The following NBAS variants were observed in gnomAD, a reference collection of about 807,000 sequenced individuals.
NBAS encodes NBAS subunit of NRZ tethering complex.
A neutral mutation model predicts 302.5 loss-of-function variants in NBAS; 219 were observed. The observed-to-expected ratio is 0.72, with a 90% CI of 0.65 to 0.81. The LOEUF (loss-of-function observed/expected upper bound fraction) is 0.81, where lower values mean the gene tolerates loss of function less well. Among genes scored for constraint, NBAS ranks in the 30% least tolerant of loss-of-function variants. The pLI is 0.00. For missense variants in NBAS, 2,932 were observed against 2,841.6 expected (o/e 1.03, Z -0.72); for synonymous variants, 1,118 against 1,021.6 (o/e 1.09, Z -1.80).
intron 9 of NBAS, among the ~76,000 whole-genome samples, chr2:15,533,673 G>GGTGTGTGTGTGTGTGT (rs1220581737): frequency 2.3e-5 from 3 of 130,676 alleles, no homozygotes; most frequent in Non-Finnish European, 3.2e-5. Context: ...GACTTCGGGG[G>GGTGTGTGTGTGTGTGT]GTGTGCGTGT....
chr2:14,938,833 T>C, the NBAS span, among the ~76,000 whole-genome samples: 1 of 152,250 alleles, frequency 6.6e-6, no homozygotes, highest in Admixed American at 6.5e-5. Flanking sequence ...CAACTATCTG[T>C]AGCCACTGAA....
At chr2:15,292,432 C>G in intron 41 of NBAS, 105 bp downstream of exon 41, 1 of 1,192,348 alleles carries the variant, frequency 8.4e-7, no homozygotes. Flanking sequence ...TCATAGCAAC[C>G]ATGAATGTAA....
At chr2:15,340,191 C>A (rs187302255) in intron 35 of NBAS, among the ~76,000 whole-genome samples, 1 of 152,078 alleles carries the variant, frequency 6.6e-6, no homozygotes, top group East Asian at 1.9e-4. Flanking sequence ...AGCAGAAGCA[C>A]GGAGACAAAC....
At chr2:15,342,111 T>C (rs1331003201) in intron 35 of NBAS, among the ~76,000 whole-genome samples, 3 of 151,768 alleles carry the variant, frequency 2.0e-5, no homozygotes, top group Admixed American at 2.0e-4. Context: ...CACAAGAAAA[T>C]AGGAAATTAC....
intron 25 of NBAS, among the ~76,000 whole-genome samples, chr2:15,408,221 A>G (rs1186876707): frequency 1.3e-5 from 2 of 152,208 alleles, no homozygotes; most frequent in African/African-American, 4.8e-5. Context: ...ATACTTCAGA[A>G]TAAAAATATA....
At chr2:15,064,727 A>G in the NBAS span, among the ~76,000 whole-genome samples, 2 of 152,236 alleles carry the variant, frequency 1.3e-5, no homozygotes, top group Non-Finnish European at 2.9e-5. Flanking sequence ...TTATGAGGTC[A>G]GCATTACCCT....
rs199996971 is a variant in NBAS, at chr2:15,379,691, G to A, written c.3501C>T (p.Tyr1167=). ...HKGKPHYRVS[Y]EKSIDLVLAA... is the part of the protein sequence containing the mutation. ...CCAAAACCAAGTCAATACTCTTTTC[G>A]TAGCTGACCCTGTAGTGGGGTTTCC... Residue 1167 remains tyrosine, a synonymous_variant, in exon 30 of 52, where the codon TAC becomes TAT. Transcript: ENST00000281513. The A allele has an allele frequency of 8.1e-6, 13 of 1,614,010 alleles. No individual in the cohort carries two copies. Among genetic ancestry groups the A allele is most frequent in the Admixed American group, 3.3e-5 (2 of 60,002 alleles).
At chr2:15,197,504 T>C (rs762721110) in intron 48 of NBAS, among the ~76,000 whole-genome samples, 3 of 152,170 alleles carry the variant, frequency 2.0e-5, no homozygotes, top group Non-Finnish European at 4.4e-5. Flanking sequence ...GATACAGTGA[T>C]TGGAGAGATG....
chr2:14,910,341 C>A, the NBAS span, among the ~76,000 whole-genome samples: 2 of 152,196 alleles, frequency 1.3e-5, no homozygotes, highest in African/African-American at 4.8e-5. Context: ...TCTCCTTTTT[C>A]TGCTCTGAGC....
At chr2:14,849,059 G>A in the NBAS span, among the ~76,000 whole-genome samples, 2 of 150,844 alleles carry the variant, frequency 1.3e-5, no homozygotes, top group African/African-American at 2.5e-5. Context: ...ACCAGCAACG[G>A]AACAAAGCTG....
intron 47 of NBAS, among the ~76,000 whole-genome samples, chr2:15,220,505 CTAAAAGTGAAGT>C (rs1478139709): frequency 6.6e-6 from 1 of 152,044 alleles, no homozygotes; most frequent in Non-Finnish European, 1.5e-5. Flanking sequence ...TTATACTACT[CTAAAAGTGAAGT>C]ATGAATGCTT....
chr2:14,802,601 G>C, the NBAS span, among the ~76,000 whole-genome samples: 2 of 151,376 alleles, frequency 1.3e-5, no homozygotes, highest in Admixed American at 1.3e-4. Flanking sequence ...TATGTTTATT[G>C]CAGCATTATT....
the NBAS span, among the ~76,000 whole-genome samples, chr2:14,896,634 G>A: frequency 6.6e-6 from 1 of 151,928 alleles, no homozygotes; most frequent in African/African-American, 2.4e-5. Context: ...TGCAAAACCA[G>A]GAGCACTGAC....
chr2:14,944,788 C>T, the NBAS span, among the ~76,000 whole-genome samples: 1 of 151,994 alleles, frequency 6.6e-6, no homozygotes, highest in African/African-American at 2.4e-5. Flanking sequence ...TCCACATTCA[C>T]AATGTCCCTC....
At chr2:14,974,632 G>A in the NBAS span, among the ~76,000 whole-genome samples, 3 of 152,156 alleles carry the variant, frequency 2.0e-5, no homozygotes, top group Admixed American at 2.0e-4. Context: ...GGACCTTAAA[G>A]TTCATCTAGC....
chr2:14,857,735 G>A, the NBAS span, among the ~76,000 whole-genome samples: 1 of 152,052 alleles, frequency 6.6e-6, no homozygotes, highest in Non-Finnish European at 1.5e-5. Flanking sequence ...GAAAACATTG[G>A]GGAAAACTCT....
chr2:15,352,255 A>G (rs930687931), intron 34 of NBAS, among the ~76,000 whole-genome samples, 174 bp from the exon 35 acceptor site: 39 of 152,162 alleles, frequency 2.6e-4, no homozygotes, highest in African/African-American at 8.4e-4. Flanking sequence ...AAAAGGATGC[A>G]ATGGTTTCAG....
the NBAS span, among the ~76,000 whole-genome samples, chr2:15,038,112 C>CTTTTTTTT: frequency 8.4e-6 from 1 of 118,544 alleles, no homozygotes; most frequent in Non-Finnish European, 1.7e-5. Flanking sequence ...TGACTTTATT[C>CTTTTTTTT]TTTTTTTTTT....
chr2:15,472,972 C>T (rs1256089998), intron 16 of NBAS, among the ~76,000 whole-genome samples: 3 of 152,154 alleles, frequency 2.0e-5, no homozygotes, highest in Non-Finnish European at 1.5e-5. Context: ...GGAAAGAAAA[C>T]GTTAGGCCGA....
Sources: gnomAD v4.1 joint callset for allele counts (sites outside exome capture counted in the v4.1 genomes callset) on GRCh38, gnomAD v4.1.1 for gene constraint, MANE v1.5 for transcripts, NCBI Gene and HGNC (gene_info 2026-07-23, HGNC 2026-07-21) for gene names.